The following IFT43 variants were observed in gnomAD, a reference collection of about 807,000 sequenced individuals.
The protein encoded by IFT43 is intraflagellar transport 43.
In IFT43, 33 loss-of-function variants were observed where a neutral mutation model predicts 32.3. That is an observed-to-expected ratio of 1.02 (90% confidence interval 0.77 to 1.37). The LOEUF (loss-of-function observed/expected upper bound fraction) is 1.37. Among genes scored for constraint, IFT43 ranks in the 40% most tolerant of loss-of-function variants. IFT43 has a pLI of 0.00. For synonymous variants in IFT43, 93 were observed against 98.2 expected, an observed-to-expected ratio of 0.95 and a Z score of 0.31; for missense variants, 274 against 265.9, an observed-to-expected ratio of 1.03 and a Z score of -0.21.
At chr14:76,041,691 C>G (rs1219533465) in intron 3 of IFT43, among the ~76,000 whole-genome samples, 1 of 152,174 alleles carries the variant, frequency 6.6e-6, no homozygotes, top group Non-Finnish European at 1.5e-5. Context: ...GAAGTAATTA[C>G]TGGAATAGTT....
intron 2 of IFT43, among the ~76,000 whole-genome samples, chr14:76,019,176 C>A (rs928941448): frequency 1.3e-5 from 2 of 151,870 alleles, no homozygotes; most frequent in Non-Finnish European, 2.9e-5. Context: ...TGTATCTGTT[C>A]TACTAGTGAG....
At chr14:76,026,653 G>A (rs2139969575) in intron 3 of IFT43, among the ~76,000 whole-genome samples, 1 of 152,182 alleles carries the variant, frequency 6.6e-6, no homozygotes, top group African/African-American at 2.4e-5. Flanking sequence ...AATTAGTTCA[G>A]TCATTGTGGA....
chr14:76,028,502 C>T (rs1276593042), intron 3 of IFT43, among the ~76,000 whole-genome samples: 1 of 151,866 alleles, frequency 6.6e-6, no homozygotes, highest in Non-Finnish European at 1.5e-5. Flanking sequence ...GAGATATATG[C>T]GCAGGTTTGT....
intron 2 of IFT43, among the ~76,000 whole-genome samples, chr14:76,004,456 C>T (rs893907358): frequency 1.3e-5 from 2 of 151,738 alleles, no homozygotes; most frequent in East Asian, 3.9e-4. Flanking sequence ...AAGATTTTGT[C>T]TTTATCTTTG....
chr14:76,012,715 C>T (rs1054759921), intron 2 of IFT43, among the ~76,000 whole-genome samples: 6 of 152,204 alleles, frequency 3.9e-5, no homozygotes, highest in Admixed American at 2.0e-4. Context: ...TGAGGACTAC[C>T]GTCACTTGTT....
At chr14:76,063,333 C>G (rs2037176630) in intron 5 of IFT43, among the ~76,000 whole-genome samples, 1 of 152,222 alleles carries the variant, frequency 6.6e-6, no homozygotes, top group Non-Finnish European at 1.5e-5. Context: ...GAGTTTCACC[C>G]TACAGAGGCA....
At chr14:76,016,019 T>A (rs939959831) in intron 2 of IFT43, among the ~76,000 whole-genome samples, 2 of 152,208 alleles carry the variant, frequency 1.3e-5, no homozygotes, top group African/African-American at 4.8e-5. Flanking sequence ...AATGGGACTT[T>A]TTTGGGTTTT....
chr14:75,991,388 AGT>A (rs34624480), intron 2 of IFT43, among the ~76,000 whole-genome samples: 44,620 of 141,642 alleles, frequency 0.32, 6,801 homozygotes, highest in Admixed American at 0.38. Flanking sequence ...TATTAACAAG[AGT>A]GTGTGTGTGT....
At position 76,082,557 on chromosome 14, in the gene IFT43, C is replaced by T. The variant is rs1270876487; in HGVS notation, c.369-60C>T. The T allele has an allele frequency of 1.5e-5, 24 of 1,598,370 alleles. No individual in the cohort carries two copies. In the East Asian group the frequency reaches 3.1e-4, roughly 21 times the overall value. ...CAAGGTTCTGGGGACGGTGGCCCGG[C>T]AGCACTCCTGGAACAGGTCCTGCCT... On this transcript the variant is annotated intron_variant, in intron 6 of 8. Transcript: ENST00000314067.
At chr14:76,024,263 A>G (rs970688777) in intron 3 of IFT43, among the ~76,000 whole-genome samples, 1 of 152,232 alleles carries the variant, frequency 6.6e-6, no homozygotes, top group African/African-American at 2.4e-5. Flanking sequence ...GTTTTAAATA[A>G]GGAGAAAGTA....
At chr14:76,082,180 G>T (rs2037522011) in intron 5 of IFT43, 115 bp from the exon 6 acceptor site, 3 of 928,184 alleles carry the variant, frequency 3.2e-6, no homozygotes, top group South Asian at 2.6e-5. Context: ...TGTCCTTCCT[G>T]CCCCAGCCCA....
chr14:76,063,470 CAGTG>C (rs1189829249), intron 5 of IFT43, among the ~76,000 whole-genome samples: 1 of 152,342 alleles, frequency 6.6e-6, no homozygotes, highest in South Asian at 2.1e-4. Flanking sequence ...CCCTTCAACT[CAGTG>C]AGACCTTCGT....
chr14:76,020,923 T>C (rs1379902607), intron 2 of IFT43, among the ~76,000 whole-genome samples: 1 of 152,026 alleles, frequency 6.6e-6, no homozygotes, highest in Admixed American at 6.5e-5. Flanking sequence ...GGGTGGGTGG[T>C]GGCTGCAAGC....
At position 76,059,384 on chromosome 14, in the gene IFT43, C is replaced by A. The variant is rs376635840; in HGVS notation, c.295+11C>A. On this transcript the variant is annotated intron_variant, in intron 5 of 8. Transcript: ENST00000314067. ...CAGATTATGGAGGAGGTAAGAGGCC[C>A]TTGGAGGAAGTCAAAAGGTCTTCTA... The A allele has an allele frequency of 1.9e-6, 3 of 1,613,512 alleles. No individual in the cohort carries two copies. Among genetic ancestry groups the A allele is most frequent in the African/African-American group, 2.7e-5 (2 of 74,876 alleles).
rs368933474 is a variant in IFT43, at chr14:76,043,153, G to C, written c.216-15489G>C. Among the ~76,000 whole-genome samples the C allele has an allele frequency of 1.2e-3, 180 of 152,312 alleles. 5 individuals carry two copies. In the South Asian group the frequency reaches 0.035, roughly 30 times the overall value. Reference sequence around the variant, plus strand: ...CCTCTCCAACTCCAAAAGGATGTGTGAACATCTGAAACATACTTTCTAGAT... The same window carrying C: ...CCTCTCCAACTCCAAAAGGATGTGTCAACATCTGAAACATACTTTCTAGAT... On this transcript the variant is annotated intron_variant, in intron 3 of 8. Transcript: ENST00000314067.
chr14:75,990,563 A>G (rs1418502312), intron 2 of IFT43, among the ~76,000 whole-genome samples: 2 of 152,206 alleles, frequency 1.3e-5, no homozygotes, highest in Non-Finnish European at 1.5e-5. Context: ...GGTGGGGTCA[A>G]GTACATAGTG....
chr14:75,988,644 A>T (rs1292581734), intron 1 of IFT43, among the ~76,000 whole-genome samples: 1 of 152,066 alleles, frequency 6.6e-6, no homozygotes, highest in African/African-American at 2.4e-5. Context: ...TCAGCCTCCC[A>T]AATAGCTGGG....
intron 2 of IFT43, among the ~76,000 whole-genome samples, chr14:75,996,366 A>G (rs368061346): frequency 4.9e-4 from 74 of 152,232 alleles, no homozygotes; most frequent in African/African-American, 1.7e-3. Flanking sequence ...AGTAGTATCT[A>G]TCTCATTGGG....
At chr14:76,043,732 A>G (rs2036751073) in intron 3 of IFT43, among the ~76,000 whole-genome samples, 2 of 152,200 alleles carry the variant, frequency 1.3e-5, no homozygotes, top group Admixed American at 1.3e-4. Flanking sequence ...TTTTCTCCAT[A>G]CACTATAGCC....
Sources: gnomAD v4.1 joint callset for allele counts (sites outside exome capture counted in the v4.1 genomes callset) on GRCh38, gnomAD v4.1.1 for gene constraint, MANE v1.5 for transcripts, NCBI Gene and HGNC (gene_info 2026-07-23, HGNC 2026-07-21) for gene names.